AKAIN1: variants seen among roughly 807,000 people sequenced by gnomAD.
AKAIN1 encodes A-kinase anchor inhibitor 1.
A neutral mutation model predicts 3.7 loss-of-function variants in AKAIN1; 3 were observed. The ratio of observed to expected loss-of-function variants is 0.82; its 90% confidence interval spans 0.37 to 2.12. The LOEUF is 2.12. Ranked by LOEUF, AKAIN1 falls within the 30% of genes most tolerant of loss-of-function variation. AKAIN1 has a pLI of 0.06. For synonymous variants in AKAIN1, 31 were observed against 30.8 expected, an observed-to-expected ratio of 1.01 and a Z score of -0.02; for missense variants, 82 against 82.7, an observed-to-expected ratio of 0.99 and a Z score of 0.03.
chr18:5,193,998 G>A (rs942930191), intron 1 of AKAIN1, among the ~76,000 whole-genome samples: 8 of 151,970 alleles, frequency 5.3e-5, no homozygotes, highest in African/African-American at 1.9e-4. Flanking sequence ...GGGAGGAGGA[G>A]GAATAAAGCA....
At chr18:5,181,438 A>G (rs2071258086) in intron 1 of AKAIN1, among the ~76,000 whole-genome samples, 1 of 152,194 alleles carries the variant, frequency 6.6e-6, no homozygotes, top group Non-Finnish European at 1.5e-5. Context: ...AGACAGTTCT[A>G]CTTTGGCATT....
rs550361200 is a variant in AKAIN1, at chr18:5,157,830, G to C, written c.17-12075C>G. 3.3e-5 allele frequency among the ~76,000 whole-genome samples: 5 copies of C among 152,174 alleles called. No homozygotes were observed. The South Asian group carries it at 8.3e-4, about 25-fold the overall frequency. On this transcript the variant is annotated intron_variant, in intron 1 of 1. Transcript: ENST00000434239. ...CTCCTGAGTAGCTGGGACTACAGGT[G>C]CATGCTACGACCACCAGCTAATTTT...
In AKAIN1 at chr18:5,145,429, C is replaced by T; in HGVS notation, c.*133G>A. ...CAAAACAGTGCTTCTCAGCCAGGGGCTAGTGTGAATTCATTCTACAGCTAG... is the reference window on the plus strand; with the variant it reads ...CAAAACAGTGCTTCTCAGCCAGGGGTTAGTGTGAATTCATTCTACAGCTAG... On this transcript the variant is annotated 3_prime_UTR_variant, in exon 2 of 2. Transcript: ENST00000434239. 2 of 671,272 alleles carry T rather than the reference C, an allele frequency of 3.0e-6. No individual in the cohort carries two copies. The highest frequency in any genetic ancestry group is 2.7e-5 in the East Asian group (1 of 36,424). 41.6% of individuals were successfully genotyped at this position (671,272 alleles called of 1,614,324 possible).
intron 1 of AKAIN1, among the ~76,000 whole-genome samples, chr18:5,160,307 C>T (rs1478168342): frequency 2.0e-5 from 3 of 152,064 alleles, no homozygotes; most frequent in Admixed American, 6.6e-5. Flanking sequence ...TTATATTTCA[C>T]GGATTTTATT....
chr18:5,154,143 T>C (rs2071093922), intron 1 of AKAIN1, among the ~76,000 whole-genome samples: 1 of 151,028 alleles, frequency 6.6e-6, no homozygotes, highest in Non-Finnish European at 1.5e-5. Context: ...GACCTGGGAG[T>C]GGACAAAGAT....
Position 5,194,353 on chromosome 18 carries a change from T to G in AKAIN1, c.16+2685A>C, listed in dbSNP as rs117977530. On this transcript the variant is annotated intron_variant, in intron 1 of 1. Coordinates refer to ENST00000434239, the MANE Select transcript of AKAIN1 (RefSeq NM_001145194.2). ...AAATAGAATTGAACTGTCTGCCTCATGCAAACTGAAAAACAACCCAAATAC... is the reference window on the plus strand; with the variant it reads ...AAATAGAATTGAACTGTCTGCCTCAGGCAAACTGAAAAACAACCCAAATAC... Among the ~76,000 whole-genome samples, 489 of 152,298 alleles carry G rather than the reference T, an allele frequency of 3.2e-3. 2 individuals are homozygous for G. Among genetic ancestry groups the G allele is most frequent in the Middle Eastern group, 0.014 (4 of 294 alleles).
chr18:5,145,307 C>A lies in AKAIN1; in HGVS notation c.*255G>T. ...AAAAGAACTTTAAAAATAAATTGGC[C>A]TGCAAAACTACTTTTGCAATTACAG... is the stretch of plus-strand genomic sequence containing the variant. On this transcript the variant is annotated 3_prime_UTR_variant, in exon 2 of 2. Transcript: ENST00000434239. 1 of 348,548 alleles carries A rather than the reference C, an allele frequency of 2.9e-6. No individual in the cohort carries two copies. The highest frequency in any genetic ancestry group is 5.2e-6 in the Non-Finnish European group (1 of 193,268). 21.6% of individuals were successfully genotyped at this position (348,548 alleles called of 1,614,324 possible).
chr18:5,160,244 C>G (rs1316559523), intron 1 of AKAIN1, among the ~76,000 whole-genome samples: 1 of 152,170 alleles, frequency 6.6e-6, no homozygotes, highest in African/African-American at 2.4e-5. Flanking sequence ...AAATTCTAAC[C>G]AATACCTAGT....
At chr18:5,153,513 A>G (rs2071090368) in intron 1 of AKAIN1, among the ~76,000 whole-genome samples, 1 of 152,238 alleles carries the variant, frequency 6.6e-6, no homozygotes, top group Admixed American at 6.5e-5. Context: ...TATGGAAAAC[A>G]TGACACTGTT....
chr18:5,145,891 G>A (rs1311648492), intron 1 of AKAIN1, 136 bp from the exon 2 acceptor site: 8 of 697,102 alleles, frequency 1.1e-5, no homozygotes, highest in Non-Finnish European at 1.9e-5. Context: ...TTAACTATGA[G>A]AAGCCCACTA....
At position 5,143,158 on chromosome 18, in the gene AKAIN1, C is replaced by A. The variant is rs2071030460; in HGVS notation, c.*2404G>T. ...ATGATGATAATCAAGTGGAAATCCA[C>A]CTTAATCCTATGTCAAATGAAGTTC... On this transcript the variant is annotated 3_prime_UTR_variant, in exon 2 of 2. Transcript: ENST00000434239. Among the ~76,000 whole-genome samples the A allele has an allele frequency of 6.6e-6, 1 of 152,166 alleles. No individual in the cohort carries two copies. The highest frequency in any genetic ancestry group is 2.4e-5 in the African/African-American group (1 of 41,434).
At chr18:5,160,701 A>C (rs569262984) in intron 1 of AKAIN1, among the ~76,000 whole-genome samples, 1 of 152,122 alleles carries the variant, frequency 6.6e-6, no homozygotes, top group African/African-American at 2.4e-5. Flanking sequence ...TACATTTGGT[A>C]CTTTAATCCA....
At chr18:5,187,109 A>G (rs879369530) in intron 1 of AKAIN1, among the ~76,000 whole-genome samples, 2 of 152,198 alleles carry the variant, frequency 1.3e-5, no homozygotes, top group Admixed American at 6.5e-5. Flanking sequence ...TATAAACAAT[A>G]TAAGTTTTGT....
rs537460650 is a variant in AKAIN1 at position 5,178,350 on chromosome 18, G to A, written c.16+18688C>T. Among the ~76,000 whole-genome samples the A allele has an allele frequency of 1.1e-4, 17 of 152,036 alleles. 1 individual carries two copies. In the South Asian group the frequency reaches 3.1e-3, roughly 28 times the overall value. On this transcript the variant is annotated intron_variant, in intron 1 of 1. Coordinates refer to ENST00000434239, the MANE Select transcript of AKAIN1 (RefSeq NM_001145194.2). ...ATTACTGGAGCCCAATACCAGCTTG[G>A]GCAACATAGCAAGACCCCATCTCAA...
intron 1 of AKAIN1, among the ~76,000 whole-genome samples, chr18:5,174,134 C>T (rs2071212748): frequency 6.6e-6 from 1 of 152,124 alleles, no homozygotes; most frequent in African/African-American, 2.4e-5. Flanking sequence ...AGGGAAGTTG[C>T]AGTCATGCTG....
At chr18:5,154,403 C>T (rs961855398) in intron 1 of AKAIN1, among the ~76,000 whole-genome samples, 3 of 152,114 alleles carry the variant, frequency 2.0e-5, no homozygotes, top group Non-Finnish European at 4.4e-5. Flanking sequence ...CTGTTCTGAC[C>T]ACCACATACA....
rs138121086 is a variant in AKAIN1, at chr18:5,166,317, C to T, written c.17-20562G>A. ...AACAAAATGTTTGGGTTTTTATTTT[C>T]GGAATTAATAAATTTGACTCTTCAG... On this transcript the variant is annotated intron_variant, in intron 1 of 1. Coordinates refer to ENST00000434239, the MANE Select transcript of AKAIN1 (RefSeq NM_001145194.2). Among the ~76,000 whole-genome samples, 149 of 151,950 alleles carry T rather than the reference C, an allele frequency of 9.8e-4. 3 individuals carry two copies. The East Asian group carries it at 0.021, about 22-fold the overall frequency.
At chr18:5,186,234 G>A (rs2071286743) in intron 1 of AKAIN1, among the ~76,000 whole-genome samples, 1 of 152,072 alleles carries the variant, frequency 6.6e-6, no homozygotes, top group Non-Finnish European at 1.5e-5. Flanking sequence ...GGTGGAGAGT[G>A]GGAGGAGGGA....
chr18:5,162,625 CGTGTGT>C (rs150673471), intron 1 of AKAIN1, among the ~76,000 whole-genome samples: 63,393 of 145,630 alleles, frequency 0.44, 13,718 homozygotes, highest in Non-Finnish European at 0.48. Flanking sequence ...CAATGTGATG[CGTGTGT>C]GTGTGTGTGT....
Sources: allele counts gnomAD v4.1 joint callset (sites outside exome capture counted in the v4.1 genomes callset), GRCh38; gene constraint gnomAD v4.1.1; transcripts MANE v1.5; gene names NCBI Gene and HGNC (gene_info 2026-07-23, HGNC 2026-07-21).